TSPAN6: variants seen among roughly 807,000 people sequenced by gnomAD.
The protein encoded by TSPAN6 is tetraspanin-6.
TSPAN6 carries 13 observed loss-of-function variants against 18.0 expected under a neutral mutation model. That is an observed-to-expected ratio of 0.72 (90% CI 0.47 to 1.15). The LOEUF is 1.15. Ranked by LOEUF, TSPAN6 falls within the 50% of genes most tolerant of loss-of-function variation. The pLI, the probability that TSPAN6 is intolerant of heterozygous loss-of-function variation, is 0.00. For missense variants in TSPAN6, 186 were observed against 183.9 expected, an observed-to-expected ratio of 1.01 and a Z score of -0.07; for synonymous variants, 82 against 67.0, an observed-to-expected ratio of 1.22 and a Z score of -1.09.
intron 5 of TSPAN6, 74 bp downstream of exon 5, chrX:100,633,331 A>T (rs2083072984): frequency 1.8e-6 from 2 of 1,086,894 alleles, no homozygotes; most frequent in Non-Finnish European, 1.3e-6. Context: ...AAAAAAAATT[A>T]AAAACTGGGT....
At chrX:100,632,678 T>G (rs1452766133) in intron 5 of TSPAN6, 110 bp from the exon 6 acceptor site, 2 of 504,533 alleles carry the variant, frequency 4.0e-6, no homozygotes, top group Non-Finnish European at 6.7e-6. Context: ...ATATTTATGG[T>G]AATAAATACT....
chrX:100,632,950 TAAAC>T (rs770101585), intron 5 of TSPAN6, among the ~76,000 whole-genome samples: 5 of 111,089 alleles, frequency 4.5e-5, no homozygotes, highest in Non-Finnish European at 9.4e-5. Flanking sequence ...AAATAATAAA[TAAAC>T]AAAAAAGTGT....
chrX:100,634,734 C>T (rs967393488), intron 3 of TSPAN6, among the ~76,000 whole-genome samples: 2 of 111,310 alleles, frequency 1.8e-5, no homozygotes, highest in African/African-American at 6.5e-5. Context: ...CCCCTGACCT[C>T]GTGATCCACC....
Position 100,636,662 on chromosome X carries a change from T to G in TSPAN6, c.33A>C (p.Lys11Asn). MASPSRRLQTKPVITCFKSVL... is the reference protein window; with the variant it reads MASPSRRLQTNPVITCFKSVL... ...CGCTCTTGAAACAAGTAATGACTGG[T>G]TTAGTCTGCAGTCTCCGAGACGGGG... Residue 11 changes from lysine to asparagine, a missense_variant, in exon 1 of 8, where the codon AAA (lysine) becomes AAC (asparagine). Lys to Asn is a moderately conservative substitution (Grantham distance 94). Coordinates refer to ENST00000373020, the MANE Select transcript of TSPAN6 (RefSeq NM_003270.4). 4 of 1,205,471 alleles carry G rather than the reference T, an allele frequency of 3.3e-6. No homozygotes were observed. Among genetic ancestry groups the G allele is most frequent in the Non-Finnish European group, 4.5e-6 (4 of 892,627 alleles).
chrX:100,636,370 C>G, intron 1 of TSPAN6: 1 of 973,256 alleles, frequency 1.0e-6, no homozygotes, highest in Non-Finnish European at 1.3e-6. Context: ...GCTGGTACGT[C>G]TGGGTCCCAG....
chrX:100,633,422 C>T lies in TSPAN6; in HGVS notation c.568G>A (p.Asp190Asn). The stretch of plus-strand genomic sequence containing the variant: ...CACCTTACTTCATTGTTTACTTTGT[C>T]TGCATCTCTCTGTGGAGTACAATCT... ...LEDCTPQRDA[D>N]KVNNEGCFIK... Residue 190 changes from aspartate to asparagine, a missense_variant, in exon 5 of 8, where the codon GAC (aspartate) becomes AAC (asparagine). Transcript: ENST00000373020. The T allele has an allele frequency of 8.3e-7, 1 of 1,209,129 alleles. No homozygotes were observed. The highest frequency in any genetic ancestry group is 1.1e-6 in the Non-Finnish European group (1 of 894,228).
chrX:100,634,927 G>A (rs773864268), intron 3 of TSPAN6, among the ~76,000 whole-genome samples: 1 of 111,794 alleles, frequency 8.9e-6, no homozygotes, highest in South Asian at 3.8e-4. Context: ...TACTATCTCC[G>A]TTTTAATAGG....
chrX:100,630,406 A>T (rs1422756381), intron 7 of TSPAN6, among the ~76,000 whole-genome samples: 1 of 112,047 alleles, frequency 8.9e-6, no homozygotes, highest in Non-Finnish European at 1.9e-5. Context: ...CTCACGAATA[A>T]GGTCATTCTT....
Position 100,628,654 on chromosome X carries a change from CAA to C in TSPAN6, c.*1370_*1371del, listed in dbSNP as rs1178529346. ...AACTTTTTAATGCAAACTATACAAT[CAA>C]AAAAGTCTGATCTCTAGGAGAACAC... On this transcript the variant is annotated 3_prime_UTR_variant, in exon 8 of 8. Coordinates refer to ENST00000373020, the MANE Select transcript of TSPAN6 (RefSeq NM_003270.4). 1 of 112,174 alleles carries C rather than the reference CAA, an allele frequency of 8.9e-6. No individual in the cohort carries two copies. The highest frequency in any genetic ancestry group is 1.9e-5 in the Non-Finnish European group (1 of 53,257). 9.2% of individuals were successfully genotyped at this position (112,174 alleles called of 1,213,427 possible).
Position 100,630,848 on chromosome X carries a change from C to A in TSPAN6, c.688G>T (p.Ala230Ser). Residue 230 changes from alanine to serine, a missense_variant, in exon 7 of 8, where the codon GCC (alanine) becomes TCC (serine). Transcript: ENST00000373020. The part of the protein sequence containing the change: ...ACFQLIGIFL[A>S]YCLSRAITNN... ...GTTATGGCACGAGAGAGGCAGTAGG[C>A]GAGAAAGATTCCAATCAGCTAGAAA... 8.3e-7 allele frequency: 1 copy of A among 1,206,707 alleles called. No homozygotes were observed. Among genetic ancestry groups the A allele is most frequent in the Non-Finnish European group, 1.1e-6 (1 of 891,294 alleles).
intron 6 of TSPAN6, among the ~76,000 whole-genome samples, chrX:100,631,874 CT>C (rs2083061599): frequency 9.0e-6 from 1 of 110,843 alleles, no homozygotes; most frequent in Non-Finnish European, 1.9e-5. Flanking sequence ...TTTTTTTCTT[CT>C]TTTTTTTAAT....
rs777885665 is a variant in TSPAN6, at chrX:100,632,602, G to C, written c.586-34C>G. ...AGGAAAAAAACAAAGATTAAATACA[G>C]CACAAGCAGCCTGTGCTTTTCTTTA... On this transcript the variant is annotated intron_variant, in intron 5 of 7. Transcript: ENST00000373020. 4.1e-6 allele frequency: 4 copies of C among 986,090 alleles called. No individual in the cohort carries two copies. In the Admixed American group the frequency reaches 9.7e-5, roughly 24 times the overall value. 81.3% of individuals were successfully genotyped at this position (986,090 alleles called of 1,213,427 possible).
Position 100,636,792 on chromosome X carries a change from C to T in TSPAN6, c.-98G>A. 1.1e-6 allele frequency: 1 copy of T among 937,751 alleles called. No individual in the cohort carries two copies. The highest frequency in any genetic ancestry group is 1.4e-6 in the Non-Finnish European group (1 of 698,449). The allele number at this position is 937,751 out of a possible 1,213,427, so 77.3% of individuals were successfully genotyped here. On this transcript the variant is annotated 5_prime_UTR_variant, in exon 1 of 8. Coordinates refer to ENST00000373020, the MANE Select transcript of TSPAN6 (RefSeq NM_003270.4). ...CTCCCCGGAAACTGCCGAAAACTTA[C>T]GAGCGTCCACAACTGAGAAGGGCCG...
At chrX:100,634,624 T>TG (rs2083082096) in intron 3 of TSPAN6, among the ~76,000 whole-genome samples, 1 of 110,374 alleles carries the variant, frequency 9.1e-6, no homozygotes, top group Non-Finnish European at 1.9e-5. Flanking sequence ...CCCGAGCAGC[T>TG]GGGACTACAG....
chrX:100,636,179 T>C, intron 1 of TSPAN6: 2 of 789,407 alleles, frequency 2.5e-6, no homozygotes, highest in Non-Finnish European at 3.0e-6. Flanking sequence ...AGTGGAGGCA[T>C]ACCATACTTA....
chrX:100,636,889 C>A, upstream of TSPAN6: 1 of 357,567 alleles, frequency 2.8e-6, no homozygotes, highest in Non-Finnish European at 4.6e-6. Flanking sequence ...TTTCAGAGCG[C>A]CCCCTGCCGA....
intron 7 of TSPAN6, among the ~76,000 whole-genome samples, chrX:100,630,489 C>G (rs909173543): frequency 1.8e-5 from 2 of 111,846 alleles, no homozygotes; most frequent in African/African-American, 6.5e-5. Flanking sequence ...TTTAGGCTGA[C>G]ATGTGTATGT....
In TSPAN6 at chrX:100,635,706, T is replaced by A. The variant is rs2083089689; in HGVS notation, c.128A>T (p.Lys43Met). 8.4e-7 allele frequency: 1 copy of A among 1,183,597 alleles called. No homozygotes were observed. The highest frequency in any genetic ancestry group is 1.8e-5 in the African/African-American group (1 of 56,591). The change falls in exon 2 of 8, where the codon AAG becomes ATG. Residue 43 changes from lysine to methionine, a missense_variant. Coordinates refer to ENST00000373020, the MANE Select transcript of TSPAN6 (RefSeq NM_003270.4). The stretch of plus-strand genomic sequence containing the variant: ...AGAAAAGTAATTCTCCAGGCTCACC[T>A]TGCCCCAAATGCCAACTGCAAGAAG... ...VILLAVGIWGKVSLENYFSLL... is the reference protein window; with the variant it reads ...VILLAVGIWGMVSLENYFSLL...
At position 100,632,572 on chromosome X, in the gene TSPAN6, A is replaced by C. The variant is rs753385524; in HGVS notation, c.586-4T>G. ...TCATCACCTTTATAAAACAACCCTA[A>C]TGGGAGGAAAAAAACAAAGATTAAA... On this transcript the variant is annotated splice_region_variant and splice_polypyrimidine_tract_variant and intron_variant, in intron 5 of 7. Coordinates refer to ENST00000373020, the MANE Select transcript of TSPAN6 (RefSeq NM_003270.4). The C allele has an allele frequency of 8.6e-7, 1 of 1,165,788 alleles. No individual in the cohort carries two copies. The highest frequency in any genetic ancestry group is 2.3e-5 in the Admixed American group (1 of 44,436).
Sources: gnomAD v4.1 joint callset for allele counts (sites outside exome capture counted in the v4.1 genomes callset) on GRCh38, gnomAD v4.1.1 for gene constraint, MANE v1.5 for transcripts, NCBI Gene and HGNC (gene_info 2026-07-23, HGNC 2026-07-21) for gene names.